Variants in TUB observed in about 807,000 individuals in gnomAD.
TUB encodes the protein TUB bipartite transcription factor, also known as tubby protein homolog.
TUB carries 33 observed loss-of-function variants against 59.7 expected under a neutral mutation model. The observed-to-expected ratio is 0.55, with a 90% CI of 0.42 to 0.74. The LOEUF (loss-of-function observed/expected upper bound fraction) is 0.74. TUB is among the 30% of genes least tolerant of loss of function. The probability of loss-of-function intolerance (pLI) is 0.00; values close to 1 mark genes in which losing one functional copy is unlikely to be tolerated. For synonymous variants in TUB, 293 were observed against 256.4 expected (o/e 1.14, Z -1.36); for missense variants, 659 against 672.0 (o/e 0.98, Z 0.21).
intron 2 of TUB, among the ~76,000 whole-genome samples, chr11:8,049,947 C>T (rs553571600): frequency 1.3e-5 from 2 of 152,204 alleles, no homozygotes; most frequent in African/African-American, 4.8e-5. Flanking sequence ...GACCAAGAAA[C>T]ACAACATTTG....
intron 2 of TUB, among the ~76,000 whole-genome samples, chr11:8,065,547 AC>A (rs1337317000): frequency 2.6e-5 from 4 of 152,182 alleles, no homozygotes; most frequent in Non-Finnish European, 5.9e-5. Context: ...ATAATACATG[AC>A]AGCACTCAGC....
rs1305474782 is a variant in TUB, at chr11:8,102,160, G to A, written c.*541G>A. 6.5e-6 allele frequency: 1 copy of A among 152,740 alleles called. No individual in the cohort carries two copies. The highest frequency in any genetic ancestry group is 2.4e-5 in the African/African-American group (1 of 41,464). 9.5% of individuals were successfully genotyped at this position (152,740 alleles called of 1,614,324 possible). On this transcript the variant is annotated 3_prime_UTR_variant, in exon 12 of 12. Coordinates refer to ENST00000299506, the MANE Select transcript of TUB (RefSeq NM_177972.3). ...TGCAGAAAGCCCTTCAACTTCAGAA[G>A]GCCTCACTCAAGCCTGAGAGAAGTT... is the stretch of plus-strand genomic sequence containing the variant.
At chr11:8,095,753 G>A (rs1943964677) in intron 5 of TUB, 88 bp downstream of exon 5, 1 of 1,392,670 alleles carries the variant, frequency 7.2e-7, no homozygotes, top group Non-Finnish European at 9.7e-7. Flanking sequence ...GCCTTCCTGT[G>A]TCCAAACCCC....
Position 8,101,654 on chromosome 11 carries a change from G to A in TUB, c.*35G>A, listed in dbSNP as rs372986272. 3.1e-6 allele frequency: 5 copies of A among 1,610,540 alleles called. No individual in the cohort carries two copies. The African/African-American group carries it at 6.7e-5, about 22-fold the overall frequency. On this transcript the variant is annotated 3_prime_UTR_variant, in exon 12 of 12. Transcript: ENST00000299506. ...CGTGCCCTTTGGGGTTGCCCAGCCT[G>A]GAGCGGAGCTTGCCTGCCTGCCTGT... is the stretch of plus-strand genomic sequence containing the variant.
intron 2 of TUB, among the ~76,000 whole-genome samples, chr11:8,066,481 C>G (rs2133786858): frequency 6.6e-6 from 1 of 152,318 alleles, no homozygotes; most frequent in Admixed American, 6.5e-5. Context: ...TTACTGTGCA[C>G]AGGGGACTAA....
rs1274453151 is a variant in TUB at position 8,090,130 on chromosome 11, A to G, written c.152A>G (p.Asn51Ser). 3 of 1,613,540 alleles carry G rather than the reference A, an allele frequency of 1.9e-6. No homozygotes were observed. Among genetic ancestry groups the G allele is most frequent in the South Asian group, 1.1e-5 (1 of 91,068 alleles). ...CAGGAGCCCCTGATGGTGCAGGCCA[A>G]TGCAGATGGGCGGCCCCGGAGCCGG... is the stretch of plus-strand genomic sequence containing the variant. ...KRQEPLMVQA[N>S]ADGRPRSRRA... The change falls in exon 3 of 12, where the codon AAT becomes AGT. Residue 51 changes from asparagine (N) to serine (S), a missense_variant. Physicochemically the swap from Asn to Ser is conservative, Grantham distance 46 (BLOSUM62 1). This residue lies in a region of TUB where 321 missense variants were observed against 304.3 expected (regional missense o/e 1.05). Coordinates refer to ENST00000299506, the MANE Select transcript of TUB (RefSeq NM_177972.3).
upstream of TUB, among the ~76,000 whole-genome samples, chr11:8,033,869 T>C (rs1368216304): frequency 6.6e-6 from 1 of 152,258 alleles, no homozygotes; most frequent in Non-Finnish European, 1.5e-5. Flanking sequence ...AGAGAAGCTG[T>C]CTTGCAGCCT....
At chr11:8,026,974 T>C (rs1050947176) in intron 1 of TUB, among the ~76,000 whole-genome samples, 2 of 152,202 alleles carry the variant, frequency 1.3e-5, no homozygotes, top group African/African-American at 4.8e-5. Flanking sequence ...AGTGTATAGG[T>C]CTTTAACCTC....
At chr11:8,070,927 A>G (rs918365107) in intron 2 of TUB, among the ~76,000 whole-genome samples, 2 of 152,022 alleles carry the variant, frequency 1.3e-5, no homozygotes, top group African/African-American at 4.8e-5. Flanking sequence ...AATCACTCTC[A>G]CTGCCATGTG....
intron 5 of TUB, 151 bp downstream of exon 5, chr11:8,095,816 C>A: frequency 2.2e-6 from 2 of 899,286 alleles, no homozygotes; most frequent in Admixed American, 2.9e-5. Flanking sequence ...AAATGAGAAA[C>A]TCTTAGGCAG....
intron 2 of TUB, among the ~76,000 whole-genome samples, chr11:8,066,800 G>C (rs979493445): frequency 3.3e-5 from 5 of 152,196 alleles, no homozygotes; most frequent in Admixed American, 2.0e-4. Context: ...GAGTTGTGAC[G>C]AGACCTGCAT....
At position 8,038,918 on chromosome 11, in the gene TUB, T is replaced by C. The variant is rs1297387315; in HGVS notation, c.45T>C (p.Phe15=). 3 of 1,614,038 alleles carry C rather than the reference T, an allele frequency of 1.9e-6. No individual in the cohort carries two copies. In the South Asian group the frequency reaches 3.3e-5, roughly 18 times the overall value. The change falls in exon 1 of 13, where the codon TTT becomes TTC. Residue 15 remains phenylalanine, a synonymous_variant. Coordinates refer to the TUB transcript ENST00000305253. The stretch of plus-strand genomic sequence containing the variant: ...TGCCTTCTTTCTGGGTTTCTTTCTT[T>C]GCCGAGACAGGGATTTTGTTCCCAG...
intron 2 of TUB, among the ~76,000 whole-genome samples, chr11:8,051,551 T>TA (rs1564903166): frequency 6.6e-6 from 1 of 152,240 alleles, no homozygotes; most frequent in South Asian, 2.1e-4. Context: ...AGTTCTTTGA[T>TA]ACATTCATAT....
At chr11:8,045,140 A>G (rs1180375834) in intron 2 of TUB, among the ~76,000 whole-genome samples, 1 of 152,068 alleles carries the variant, frequency 6.6e-6, no homozygotes, top group Non-Finnish European at 1.5e-5. Flanking sequence ...TCCTCTAATC[A>G]CATGGTTGGT....
chr11:8,084,347 A>C (rs528717873), intron 1 of TUB, among the ~76,000 whole-genome samples: 8 of 152,368 alleles, frequency 5.3e-5, no homozygotes, highest in African/African-American at 1.9e-4. Flanking sequence ...TTGAGTTTAT[A>C]AAGTTTAACA....
At chr11:8,033,560 AG>A (rs1259111929) in intron 1 of TUB, among the ~76,000 whole-genome samples, 3 of 152,202 alleles carry the variant, frequency 2.0e-5, no homozygotes, top group Admixed American at 6.5e-5. Context: ...AGGGGCCCTC[AG>A]GAACTGCCTG....
At chr11:8,039,286 C>T (rs557900198) in intron 1 of TUB, among the ~76,000 whole-genome samples, 1 of 152,234 alleles carries the variant, frequency 6.6e-6, no homozygotes, top group African/African-American at 2.4e-5. Context: ...GAGTAAGGGC[C>T]TCTCCCCCAG....
At chr11:8,101,391 C>T (rs953588717) in intron 11 of TUB, 95 bp from the exon 12 acceptor site, 25 of 1,475,246 alleles carry the variant, frequency 1.7e-5, no homozygotes, top group Admixed American at 5.2e-5. Context: ...CTCACTTGTT[C>T]TTCCCTCATG....
exon 1 of TUB, chr11:8,038,921 C>G (rs185749309): frequency 1.2e-6 from 2 of 1,614,034 alleles, no homozygotes; most frequent in Non-Finnish European, 1.7e-6. Context: ...CTTTCTTTGC[C>G]GAGACAGGGA....
Sources: gnomAD v4.1 joint callset for allele counts (sites outside exome capture counted in the v4.1 genomes callset) on GRCh38, gnomAD v4.1.1 for gene constraint, gnomAD v4.1.1 regional missense constraint, MANE v1.5 for transcripts, NCBI Gene and HGNC (gene_info 2026-07-23, HGNC 2026-07-21) for gene names.